SOCS6: variants seen among roughly 807,000 people sequenced by gnomAD.
SOCS6 encodes suppressor of cytokine signaling 6.
Under a neutral mutation model 27.7 loss-of-function variants are expected in SOCS6, and 5 were observed. The ratio of observed to expected loss-of-function variants is 0.18; its 90% CI spans 0.09 to 0.38. The LOEUF is 0.38. Among genes scored for constraint, SOCS6 ranks in the 10% least tolerant of loss-of-function variants. The pLI, the probability that SOCS6 is intolerant of heterozygous loss-of-function variation, is 1.00. For missense variants in SOCS6, 595 were observed against 688.1 expected, an observed-to-expected ratio of 0.86 and a Z score of 1.51; for synonymous variants, 271 against 260.0, an observed-to-expected ratio of 1.04 and a Z score of -0.41.
At chr18:70,303,104 G>T (rs568032235) in intron 1 of SOCS6, among the ~76,000 whole-genome samples, 1 of 152,324 alleles carries the variant, frequency 6.6e-6, no homozygotes, top group South Asian at 2.1e-4. Context: ...CTGCCATCCA[G>T]TTAACAGTTC....
At chr18:70,305,276 A>ATTC in intron 1 of SOCS6, among the ~76,000 whole-genome samples, 1 of 152,358 alleles carries the variant, frequency 6.6e-6, no homozygotes, top group East Asian at 1.9e-4. Flanking sequence ...TTTTGACTTA[A>ATTC]TTCTTACCTA....
intron 1 of SOCS6, among the ~76,000 whole-genome samples, chr18:70,319,828 A>G (rs1910910085): frequency 6.6e-6 from 1 of 152,106 alleles, no homozygotes; most frequent in African/African-American, 2.4e-5. Context: ...CTAGCTAACT[A>G]GCTCCTTTTT....
At chr18:70,298,719 A>G (rs1364700695) in intron 1 of SOCS6, among the ~76,000 whole-genome samples, 1 of 152,180 alleles carries the variant, frequency 6.6e-6, no homozygotes, top group Non-Finnish European at 1.5e-5. Context: ...GAAAAGTGTC[A>G]TAGTTATTTC....
Position 70,328,808 on chromosome 18 carries a change from A to G in SOCS6, c.*2532A>G, listed in dbSNP as rs1911307046. 1 of 166,560 alleles carries G rather than the reference A, an allele frequency of 6.0e-6. No homozygotes were observed. Among genetic ancestry groups the G allele is most frequent in the Non-Finnish European group, 1.5e-5 (1 of 67,724 alleles). 10.3% of individuals were successfully genotyped at this position (166,560 alleles called of 1,614,324 possible). On this transcript the variant is annotated 3_prime_UTR_variant, in exon 2 of 2. Coordinates refer to ENST00000397942, the MANE Select transcript of SOCS6 (RefSeq NM_004232.4). The stretch of plus-strand genomic sequence containing the variant: ...TGAAAGATTGGCTTTATATGATACT[A>G]ACACAGTCCAGTTAAAAGTGGAAAC...
Position 70,306,381 on chromosome 18 carries a change from G to A in SOCS6, c.-127+17291G>A, listed in dbSNP as rs1005483242. On this transcript the variant is annotated intron_variant, in intron 1 of 1. Transcript: ENST00000397942. The stretch of plus-strand genomic sequence containing the variant: ...GAGGCTACTGGGGAGGCTACTGGGA[G>A]CTGAGGCAGGAGAATCTCTTGAACC... Among the ~76,000 whole-genome samples the A allele has an allele frequency of 5.5e-4, 83 of 151,192 alleles. 1 individual carries two copies. Among genetic ancestry groups the A allele is most frequent in the African/African-American group, 2.0e-3 (83 of 41,110 alleles).
chr18:70,315,432 A>G (rs548803164), intron 1 of SOCS6, among the ~76,000 whole-genome samples: 1 of 152,330 alleles, frequency 6.6e-6, no homozygotes, highest in East Asian at 1.9e-4. Context: ...CTATAAAATT[A>G]TCCTTTTCAT....
At chr18:70,295,789 G>A (rs2062320174) in intron 1 of SOCS6, among the ~76,000 whole-genome samples, 1 of 152,192 alleles carries the variant, frequency 6.6e-6, no homozygotes, top group Non-Finnish European at 1.5e-5. Context: ...TTGCACAGAT[G>A]AGGAAATTGG....
intron 1 of SOCS6, among the ~76,000 whole-genome samples, chr18:70,301,678 A>G (rs1006103864): frequency 2.8e-4 from 42 of 152,002 alleles, no homozygotes; most frequent in African/African-American, 9.6e-4. Context: ...GGGCACATCG[A>G]TGCTATGCAG....
intron 1 of SOCS6, among the ~76,000 whole-genome samples, chr18:70,289,908 C>T (rs928184244): frequency 2.6e-5 from 4 of 152,174 alleles, no homozygotes; most frequent in African/African-American, 2.4e-5. Flanking sequence ...ATGGACGTTT[C>T]TCAGGGGCAG....
intron 1 of SOCS6, among the ~76,000 whole-genome samples, chr18:70,309,069 T>C (rs961592808): frequency 6.6e-6 from 1 of 152,202 alleles, no homozygotes; most frequent in African/African-American, 2.4e-5. Flanking sequence ...ATTGTAAATG[T>C]GTTAGGCTTT....
At chr18:70,305,463 G>C (rs549959591) in intron 1 of SOCS6, among the ~76,000 whole-genome samples, 1 of 152,320 alleles carries the variant, frequency 6.6e-6, no homozygotes, top group African/African-American at 2.4e-5. Context: ...GCCAGTCTCT[G>C]TGTCAGCAGC....
At position 70,324,948 on chromosome 18, in the gene SOCS6, C is replaced by T. The variant is rs1240376528; in HGVS notation, c.280C>T (p.Pro94Ser). 1 of 1,614,192 alleles carries T rather than the reference C, an allele frequency of 6.2e-7. No homozygotes were observed. Among genetic ancestry groups the T allele is most frequent in the Non-Finnish European group, 8.5e-7 (1 of 1,180,040 alleles). ...KQKSKGKAGTPSGSSADEDTF... is the reference protein window; with the variant it reads ...KQKSKGKAGTSSGSSADEDTF... ...GAAGTCAAAAGGCAAGGCGGGCACA[C>T]CCTCTGGGAGCTCTGCCGACGAGGA... The change falls in exon 2 of 2, where the codon CCC becomes TCC. Residue 94 changes from proline (P) to serine (S), a missense_variant. Transcript: ENST00000397942.
In SOCS6 at chr18:70,327,939, T is replaced by C. The variant is rs943390777; in HGVS notation, c.*1663T>C. 6.0e-6 allele frequency: 1 copy of C among 167,000 alleles called. No homozygotes were observed. Among genetic ancestry groups the C allele is most frequent in the African/African-American group, 2.4e-5 (1 of 41,452 alleles). 10.3% of individuals were successfully genotyped at this position (167,000 alleles called of 1,614,324 possible). A position where few individuals can be genotyped will look rare whatever the true frequency, so the allele number is the denominator to read the frequency against. Reference sequence around the variant, plus strand: ...GCTTTTTAGGGTCAGAACTGAGATATTACCAAGAAAAGGCACAATGCCATA... The same window carrying C: ...GCTTTTTAGGGTCAGAACTGAGATACTACCAAGAAAAGGCACAATGCCATA... On this transcript the variant is annotated 3_prime_UTR_variant, in exon 2 of 2. Transcript: ENST00000397942.
chr18:70,323,523 T>C (rs1911065301), intron 1 of SOCS6, among the ~76,000 whole-genome samples: 1 of 152,222 alleles, frequency 6.6e-6, no homozygotes, highest in South Asian at 2.1e-4. Context: ...TCTGGAAATA[T>C]GTTTCATAAT....
At chr18:70,312,469 A>G in intron 1 of SOCS6, among the ~76,000 whole-genome samples, 1 of 152,200 alleles carries the variant, frequency 6.6e-6, no homozygotes, top group East Asian at 1.9e-4. Context: ...AAATATTTTC[A>G]AATCATCTTT....
At position 70,328,804 on chromosome 18, in the gene SOCS6, TACTA is replaced by T. The variant is rs570845426; in HGVS notation, c.*2531_*2534del. On this transcript the variant is annotated 3_prime_UTR_variant, in exon 2 of 2. Transcript: ENST00000397942. Reference sequence around the variant, plus strand: ...AATGTGAAAGATTGGCTTTATATGATACTAACACAGTCCAGTTAAAAGTGGAAAC... The same window carrying T: ...AATGTGAAAGATTGGCTTTATATGATACACAGTCCAGTTAAAAGTGGAAAC... 1.5e-3 allele frequency: 248 copies of T among 167,158 alleles called. No homozygotes were observed. Among genetic ancestry groups the T allele is most frequent in the Middle Eastern group, 3.4e-3 (1 of 294 alleles). 10.4% of individuals were successfully genotyped at this position (167,158 alleles called of 1,614,324 possible).
At position 70,326,548 on chromosome 18, in the gene SOCS6, TCTC is replaced by T; in HGVS notation, c.*276_*278del. On this transcript the variant is annotated 3_prime_UTR_variant, in exon 2 of 2. Transcript: ENST00000397942. ...ATAATCACAATGTGAATTATCAAAT[TCTC>T]CTCAATGCCCCCCCCGCCCAGTCCT... The T allele has an allele frequency of 5.1e-6, 2 of 396,016 alleles. No individual in the cohort carries two copies. Among genetic ancestry groups the T allele is most frequent in the Non-Finnish European group, 9.4e-6 (2 of 212,710 alleles). 24.5% of individuals were successfully genotyped at this position (396,016 alleles called of 1,614,324 possible).
intron 1 of SOCS6, among the ~76,000 whole-genome samples, chr18:70,301,492 A>G (rs1356293795): frequency 6.8e-6 from 1 of 147,276 alleles, no homozygotes; most frequent in African/African-American, 2.5e-5. Context: ...AAATGGAAGT[A>G]TAGAGAAGAT....
Position 70,324,989 on chromosome 18 carries a change from C to T in SOCS6, c.321C>T (p.Ser107=). The part of the protein sequence containing the change: ...SSADEDTFSS[S]SAPIVFKDVR... ...CCGACGAGGACACCTTCTCCTCCTC[C>T]TCAGCACCCATAGTCTTTAAAGACG... The change falls in exon 2 of 2, where the codon TCC becomes TCT. Residue 107 remains serine, a synonymous_variant. Transcript: ENST00000397942. 2 of 1,614,174 alleles carry T rather than the reference C, an allele frequency of 1.2e-6. No homozygotes were observed. Among genetic ancestry groups the T allele is most frequent in the Non-Finnish European group, 1.7e-6 (2 of 1,180,024 alleles).
Sources: allele counts gnomAD v4.1 joint callset (sites outside exome capture counted in the v4.1 genomes callset), GRCh38; gene constraint gnomAD v4.1.1; transcripts MANE v1.5; gene names NCBI Gene and HGNC (gene_info 2026-07-23, HGNC 2026-07-21).